Variants in METTL16 observed in about 807,000 individuals in gnomAD.
METTL16 encodes RNA N(6)-adenosine-methyltransferase METTL16.
A neutral mutation model predicts 57.9 loss-of-function variants in METTL16; 19 were observed. The observed-to-expected ratio is 0.33, with a 90% CI of 0.23 to 0.48. The LOEUF (loss-of-function observed/expected upper bound fraction) is 0.48, where lower values mean the gene tolerates loss of function less well. METTL16 is among the 20% of genes least tolerant of loss of function. The pLI, the probability that METTL16 is intolerant of heterozygous loss-of-function variation, is 0.99. For synonymous variants in METTL16, 246 were observed against 255.6 expected (o/e 0.96, Z 0.36); for missense variants, 434 against 691.5 (o/e 0.63, Z 4.18).
chr17:2,421,192 A>G (rs1387149876), intron 8 of METTL16, among the ~76,000 whole-genome samples: 2 of 152,136 alleles, frequency 1.3e-5, no homozygotes, highest in East Asian at 3.9e-4. Context: ...CCATCTCTAA[A>G]AAAACGTTTA....
chr17:2,436,223 A>C (rs2066907510), intron 8 of METTL16, among the ~76,000 whole-genome samples: 1 of 152,124 alleles, frequency 6.6e-6, no homozygotes, highest in African/African-American at 2.4e-5. Flanking sequence ...GACAGAAAGG[A>C]TAATTCTTCG....
At chr17:2,478,928 G>A (rs762231911) in intron 2 of METTL16, among the ~76,000 whole-genome samples, 4 of 152,064 alleles carry the variant, frequency 2.6e-5, no homozygotes, top group Non-Finnish European at 1.5e-5. Context: ...TGACCATCAC[G>A]AACAATGCTG....
intron 2 of METTL16, among the ~76,000 whole-genome samples, chr17:2,479,597 GGT>G (rs1793576896): frequency 6.6e-6 from 1 of 152,022 alleles, no homozygotes; most frequent in Non-Finnish European, 1.5e-5. Context: ...AACAGCTTCT[GGT>G]CTGTACTATC....
At position 2,441,520 on chromosome 17, in the gene METTL16, C is replaced by T. The variant is rs762564412; in HGVS notation, c.768G>A (p.Ala256=). 11 of 1,596,026 alleles carry T rather than the reference C, an allele frequency of 6.9e-6. No homozygotes were observed. The highest frequency in any genetic ancestry group is 5.2e-5 in the Admixed American group (3 of 58,044). Residue 256 remains alanine, a synonymous_variant, in exon 7 of 10, where the codon GCG becomes GCA. Coordinates refer to ENST00000263092, the MANE Select transcript of METTL16 (RefSeq NM_024086.4). ...GTATGCGAAGCTCCTCCTTCAGAGGCGCCAGGCTGCATTTCTTTCCCAGCA... is the reference window on the plus strand; with the variant it reads ...GTATGCGAAGCTCCTCCTTCAGAGGTGCCAGGCTGCATTTCTTTCCCAGCA... ...SCMLGKKCSL[A]PLKEELRIQG...
intron 6 of METTL16, among the ~76,000 whole-genome samples, chr17:2,456,090 T>C (rs952234734): frequency 1.3e-5 from 2 of 152,050 alleles, no homozygotes; most frequent in African/African-American, 2.4e-5. Context: ...AAAATCAAAA[T>C]AGCAGCATCT....
At chr17:2,444,363 T>C (rs749555197) in intron 6 of METTL16, among the ~76,000 whole-genome samples, 1 of 151,940 alleles carries the variant, frequency 6.6e-6, no homozygotes, top group Non-Finnish European at 1.5e-5. Flanking sequence ...CGCAGGAAAA[T>C]AGCTTGAACC....
intron 8 of METTL16, among the ~76,000 whole-genome samples, chr17:2,437,866 A>G (rs1346711995): frequency 6.6e-6 from 1 of 152,138 alleles, no homozygotes; most frequent in Admixed American, 6.5e-5. Flanking sequence ...TTAATTCCTA[A>G]AAGATACATT....
At chr17:2,430,050 T>C (rs7210797) in intron 8 of METTL16, among the ~76,000 whole-genome samples, 3,312 of 151,622 alleles carry the variant, frequency 0.022, 130 homozygotes, top group African/African-American at 0.074. Flanking sequence ...CTAACCTCAG[T>C]TGATCCACCT....
At chr17:2,469,110 AC>A (rs1327936770) in intron 4 of METTL16, among the ~76,000 whole-genome samples, 1 of 151,894 alleles carries the variant, frequency 6.6e-6, no homozygotes, top group East Asian at 1.9e-4. Flanking sequence ...GGTGGTGGGC[AC>A]CTACAATCCC....
intron 4 of METTL16, among the ~76,000 whole-genome samples, chr17:2,473,188 C>T (rs376642525): frequency 6.6e-6 from 1 of 152,084 alleles, no homozygotes; most frequent in Non-Finnish European, 1.5e-5. Context: ...AAACAAAAAA[C>T]CCCCACTTAA....
At chr17:2,421,644 C>T (rs553626840) in intron 8 of METTL16, among the ~76,000 whole-genome samples, 19 of 152,298 alleles carry the variant, frequency 1.2e-4, no homozygotes, top group African/African-American at 4.3e-4. Context: ...ACCCTGGGGG[C>T]ACTGTGTTCT....
chr17:2,507,201 A>G (rs1306828350), intron 1 of METTL16, among the ~76,000 whole-genome samples: 21 of 109,136 alleles, frequency 1.9e-4, no homozygotes, highest in South Asian at 3.2e-4. Context: ...GAAGGAGGTG[A>G]GGGGGTCAGC....
chr17:2,492,739 A>T (rs2067408138), intron 2 of METTL16, among the ~76,000 whole-genome samples: 1 of 151,836 alleles, frequency 6.6e-6, no homozygotes, highest in Non-Finnish European at 1.5e-5. Context: ...AAAATAAAAA[A>T]TAAAAAAATT....
intron 4 of METTL16, among the ~76,000 whole-genome samples, chr17:2,469,599 A>G (rs2067223685): frequency 1.3e-5 from 2 of 152,304 alleles, no homozygotes; most frequent in South Asian, 2.1e-4. Flanking sequence ...TCTCCACTCA[A>G]CTGCAACCTC....
At chr17:2,491,209 C>T (rs1567903876) in intron 2 of METTL16, among the ~76,000 whole-genome samples, 1 of 152,148 alleles carries the variant, frequency 6.6e-6, no homozygotes, top group Non-Finnish European at 1.5e-5. Context: ...AAAATTAGCT[C>T]TCACGTGAAA....
intron 6 of METTL16, among the ~76,000 whole-genome samples, chr17:2,443,701 A>AT (rs2066970889): frequency 6.6e-6 from 1 of 151,832 alleles, no homozygotes; most frequent in Non-Finnish European, 1.5e-5. Flanking sequence ...GGGTTTCACC[A>AT]TGTTAGCCAG....
At chr17:2,505,536 A>C (rs548399744) in intron 1 of METTL16, among the ~76,000 whole-genome samples, 4 of 149,688 alleles carry the variant, frequency 2.7e-5, no homozygotes, top group Non-Finnish European at 5.9e-5. Flanking sequence ...GTTGTAAGCC[A>C]CCACGCCCGG....
intron 1 of METTL16, among the ~76,000 whole-genome samples, chr17:2,511,220 T>C (rs1044605538): frequency 4.4e-4 from 2 of 4,582 alleles, no homozygotes; most frequent in Admixed American, 3.3e-3. Context: ...GGCTTTCCCT[T>C]TTTTTTTTTT....
In METTL16 at chr17:2,416,233, C is replaced by T. The variant is rs1486594946; in HGVS notation, c.*3737G>A. 6.6e-6 allele frequency: 1 copy of T among 152,130 alleles called. No homozygotes were observed. The highest frequency in any genetic ancestry group is 1.5e-5 in the Non-Finnish European group (1 of 68,028). The allele number at this position is 152,130 out of a possible 1,614,324, so 9.4% of individuals were successfully genotyped here. A position where few individuals can be genotyped will look rare whatever the true frequency, so the allele number is the denominator to read the frequency against. Reference sequence around the variant, plus strand: ...AGGGCCAAGGGTGCCCTCGTGTGGCCACGGAGGGAAATGCCGCGGCTTCAG... The same window carrying T: ...AGGGCCAAGGGTGCCCTCGTGTGGCTACGGAGGGAAATGCCGCGGCTTCAG... On this transcript the variant is annotated 3_prime_UTR_variant, in exon 10 of 10. Transcript: ENST00000263092.
Sources: allele counts gnomAD v4.1 joint callset (sites outside exome capture counted in the v4.1 genomes callset), GRCh38; gene constraint gnomAD v4.1.1; transcripts MANE v1.5; gene names NCBI Gene and HGNC (gene_info 2026-07-23, HGNC 2026-07-21).